COXFA4: variants seen among roughly 807,000 people sequenced by gnomAD.
COXFA4 encodes cytochrome c oxidase associated subunit FA4.
the COXFA4 span, chr7:10,939,245 C>T: frequency 4.3e-6 from 1 of 231,226 alleles, no homozygotes; most frequent in South Asian, 5.8e-5. Flanking sequence ...TTTCTGGCTT[C>T]CTTTATCCTG....
At chr7:10,935,995 G>C in the COXFA4 span, among the ~76,000 whole-genome samples, 3,651 of 152,266 alleles carry the variant, frequency 0.024, 147 homozygotes, top group East Asian at 0.13. Context: ...TCCAAGAGTG[G>C]CAGGTATCAT....
the COXFA4 span, among the ~76,000 whole-genome samples, chr7:10,935,272 C>T: frequency 2.6e-5 from 4 of 152,142 alleles, no homozygotes; most frequent in African/African-American, 7.2e-5. Context: ...TTCAACTTCC[C>T]TACCTCTATT....
At chr7:10,939,894 C>G in the COXFA4 span, 3 of 1,083,736 alleles carry the variant, frequency 2.8e-6, no homozygotes, top group Non-Finnish European at 4.3e-6. Context: ...CTAGGCGAGG[C>G]AGGGTCTGGT....
chr7:10,940,109 G>A, the COXFA4 span: 33 of 1,577,572 alleles, frequency 2.1e-5, no homozygotes, highest in Admixed American at 2.7e-4. Context: ...CTAGCCACCA[G>A]GCCCTAAGCT....
the COXFA4 span, among the ~76,000 whole-genome samples, chr7:10,937,015 G>A: frequency 6.6e-6 from 1 of 152,006 alleles, no homozygotes; most frequent in Admixed American, 6.6e-5. Flanking sequence ...CAGCCTGGGC[G>A]ACAGAGTGAG....
the COXFA4 span, chr7:10,938,099 A>G: frequency 6.2e-7 from 1 of 1,613,090 alleles, no homozygotes; most frequent in Admixed American, 1.7e-5. Context: ...CCTTGTATTG[A>G]TCATTGGGAC....
chr7:10,935,152 C>G, the COXFA4 span, among the ~76,000 whole-genome samples: 1 of 152,332 alleles, frequency 6.6e-6, no homozygotes, highest in Admixed American at 6.5e-5. Context: ...TACACCCACG[C>G]AGAGTCAAAA....
chr7:10,939,846 A>G, the COXFA4 span: 1 of 784,918 alleles, frequency 1.3e-6, no homozygotes, highest in Non-Finnish European at 2.3e-6. Context: ...CATGGCGTAG[A>G]GGGTCACAGA....
the COXFA4 span, among the ~76,000 whole-genome samples, chr7:10,934,323 C>T: frequency 7.0e-6 from 1 of 143,338 alleles, no homozygotes; most frequent in African/African-American, 2.6e-5. Context: ...TCCAACATTT[C>T]TTTATAATCA....
At chr7:10,934,291 C>T in the COXFA4 span, among the ~76,000 whole-genome samples, 10 of 149,278 alleles carry the variant, frequency 6.7e-5, no homozygotes, top group South Asian at 6.4e-4. Flanking sequence ...TTAAATAATA[C>T]GGTATTTTTG....
At chr7:10,938,380 C>T in the COXFA4 span, 1 of 520,078 alleles carries the variant, frequency 1.9e-6, no homozygotes. Flanking sequence ...ATCTGGCTTT[C>T]ACAAAACCTT....
At chr7:10,938,957 G>C in the COXFA4 span, 1 of 1,247,938 alleles carries the variant, frequency 8.0e-7, no homozygotes, top group East Asian at 2.3e-5. Flanking sequence ...GCCAACGAGA[G>C]ATTACAGTAG....
chr7:10,939,873 G>A, the COXFA4 span: 5 of 939,276 alleles, frequency 5.3e-6, no homozygotes, highest in Non-Finnish European at 8.7e-6. Flanking sequence ...GGACAACTAA[G>A]ATGACAAACA....
At chr7:10,937,805 A>G in the COXFA4 span, 7 of 392,560 alleles carry the variant, frequency 1.8e-5, no homozygotes, top group Admixed American at 2.7e-4. Flanking sequence ...AGCTCTATGT[A>G]TAATGAAGTT....
At chr7:10,939,847 G>A in the COXFA4 span, 26 of 790,640 alleles carry the variant, frequency 3.3e-5, no homozygotes, top group South Asian at 3.2e-4. Context: ...ATGGCGTAGA[G>A]GGTCACAGAG....
the COXFA4 span, chr7:10,939,713 C>T: frequency 2.2e-6 from 1 of 458,958 alleles, no homozygotes; most frequent in Non-Finnish European, 4.0e-6. Flanking sequence ...CCCTCCTGGA[C>T]CGCACAACCT....
the COXFA4 span, chr7:10,940,086 G>A: frequency 6.2e-7 from 1 of 1,612,274 alleles, no homozygotes; most frequent in Non-Finnish European, 8.5e-7. Context: ...CGACTGGAAA[G>A]GAGAGAACCG....
At chr7:10,938,807 C>G in the COXFA4 span, 6 of 1,611,822 alleles carry the variant, frequency 3.7e-6, no homozygotes, top group South Asian at 6.6e-5. Flanking sequence ...TAAGTACTTA[C>G]CAAACATCTG....
the COXFA4 span, chr7:10,933,608 A>G: frequency 5.8e-3 from 9,215 of 1,589,730 alleles, 39 homozygotes; most frequent in Non-Finnish European, 7.4e-3. Flanking sequence ...CCTTCATTCT[A>G]AAGCAGCGTT....
Sources: allele counts gnomAD v4.1 joint callset (sites outside exome capture counted in the v4.1 genomes callset), GRCh38; gene constraint gnomAD v4.1.1; transcripts MANE v1.5; gene names NCBI Gene and HGNC (gene_info 2026-07-23, HGNC 2026-07-21).